Variants in KDM5A observed in about 807,000 individuals in gnomAD.
KDM5A encodes the protein lysine demethylase 5A.
KDM5A carries 42 observed loss-of-function variants against 193.5 expected under a neutral mutation model. That is an observed-to-expected ratio of 0.22 (90% CI 0.17 to 0.28). KDM5A has a LOEUF of 0.28. Among genes scored for constraint, KDM5A ranks in the 10% least tolerant of loss-of-function variants. The probability of loss-of-function intolerance (pLI) is 1.00; values close to 1 mark genes in which losing one functional copy is unlikely to be tolerated. For missense variants in KDM5A, 1,692 were observed against 2,055.1 expected (o/e 0.82, Z 3.42); for synonymous variants, 796 against 718.1 (o/e 1.11, Z -1.73).
rs1036242026 is a variant in KDM5A at position 311,009 on chromosome 12, C to T, written c.3092G>A (p.Arg1031His). The T allele has an allele frequency of 6.8e-6, 11 of 1,614,078 alleles. No homozygotes were observed. The highest frequency in any genetic ancestry group is 1.6e-4 in the Middle Eastern group (1 of 6,084). The change falls in exon 21 of 28, where the codon CGC becomes CAC. Residue 1031 changes from arginine to histidine, a missense_variant. Transcript: ENST00000399788. ...EQLESLSAKGRPIPVRLEALP... is the reference protein window; with the variant it reads ...EQLESLSAKGHPIPVRLEALP... Reference sequence around the variant, plus strand: ...TGCTTCAAGACGCACAGGAATAGGGCGTCCTTTCGCAGACAAGCTCTCAAG... The same window carrying T: ...TGCTTCAAGACGCACAGGAATAGGGTGTCCTTTCGCAGACAAGCTCTCAAG...
intron 14 of KDM5A, among the ~76,000 whole-genome samples, chr12:325,628 C>T (rs78802166): frequency 0.039 from 5,994 of 152,244 alleles, 379 homozygotes; most frequent in African/African-American, 0.13. Context: ...GAGCCAAGAT[C>T]GTGCCACTGC....
At chr12:295,135 C>A (rs1463614077) in intron 26 of KDM5A, among the ~76,000 whole-genome samples, 1 of 151,928 alleles carries the variant, frequency 6.6e-6, no homozygotes, top group Non-Finnish European at 1.5e-5. Flanking sequence ...TGCCCTTCCC[C>A]GCTTCTTTTT....
chr12:364,508 G>A (rs10848845), intron 4 of KDM5A, among the ~76,000 whole-genome samples: 105,837 of 150,078 alleles, frequency 0.71, 37,446 homozygotes, highest in Middle Eastern at 0.79. Context: ...ATAAACGGCC[G>A]GGCGCAGTGG....
At chr12:385,854 T>A (rs1182936704) in intron 2 of KDM5A, 43 bp downstream of exon 2, 1 of 1,488,308 alleles carries the variant, frequency 6.7e-7, no homozygotes, top group African/African-American at 1.4e-5. Context: ...AGCCCTAATA[T>A]AAAGAATGAA....
At chr12:374,925 G>C (rs1224607450) in intron 3 of KDM5A, among the ~76,000 whole-genome samples, 1 of 152,132 alleles carries the variant, frequency 6.6e-6, no homozygotes, top group African/African-American at 2.4e-5. Context: ...CTGGCTTGCA[G>C]AGTTTCTGCC....
At position 283,425 on chromosome 12, in the gene KDM5A, C is replaced by A. The variant is rs1250145893; in HGVS notation, c.*2031G>T. ...ACCTCAAGACATATGCACAGCAACA[C>A]TAACAAACCTCTGAACAAGTCAAAA... On this transcript the variant is annotated 3_prime_UTR_variant, in exon 28 of 28. Coordinates refer to ENST00000399788, the MANE Select transcript of KDM5A (RefSeq NM_001042603.3). 1 of 232,844 alleles carries A rather than the reference C, an allele frequency of 4.3e-6. No individual in the cohort carries two copies. Among genetic ancestry groups the A allele is most frequent in the Admixed American group, 5.6e-5 (1 of 17,768 alleles). The allele number at this position is 232,844 out of a possible 1,614,324, so 14.4% of individuals were successfully genotyped here.
At chr12:378,405 A>C (rs1944534603) in intron 3 of KDM5A, among the ~76,000 whole-genome samples, 2 of 152,054 alleles carry the variant, frequency 1.3e-5, no homozygotes. Flanking sequence ...CTACAGGCGC[A>C]TGCCACCACA....
intron 3 of KDM5A, among the ~76,000 whole-genome samples, chr12:369,161 C>T (rs952155654): frequency 2.0e-5 from 3 of 152,110 alleles, no homozygotes; most frequent in African/African-American, 7.2e-5. Context: ...CTCAAAGAAG[C>T]CCTCTCTGTT....
At chr12:314,210 T>G (rs1354969295) in intron 19 of KDM5A, among the ~76,000 whole-genome samples, 2 of 151,462 alleles carry the variant, frequency 1.3e-5, no homozygotes, top group African/African-American at 4.9e-5. Flanking sequence ...ACCTTTCATT[T>G]ATTTCTTTTT....
At chr12:381,188 T>A (rs779377904) in intron 3 of KDM5A, among the ~76,000 whole-genome samples, 9 of 152,050 alleles carry the variant, frequency 5.9e-5, no homozygotes, top group Non-Finnish European at 1.2e-4. Flanking sequence ...GAGACGAGGT[T>A]TCTCCATGTT....
chr12:339,700 G>A (rs74394008), intron 10 of KDM5A, among the ~76,000 whole-genome samples: 2,813 of 152,132 alleles, frequency 0.018, 36 homozygotes, highest in South Asian at 0.042. Flanking sequence ...GTTATACTAG[G>A]CCAGCTGTGC....
At chr12:312,770 ATGAC>A (rs1943604462) in intron 20 of KDM5A, among the ~76,000 whole-genome samples, 1 of 152,226 alleles carries the variant, frequency 6.6e-6, no homozygotes, top group South Asian at 2.1e-4. Flanking sequence ...TTACATCGGC[ATGAC>A]TGACTGGGAG....
Position 297,270 on chromosome 12 carries a change from T to C in KDM5A, c.4075-70A>G, listed in dbSNP as rs921917931. Reference sequence around the variant, plus strand: ...ACTTATTTTATGACAAGGCCCAAAATGGAGGCTTTCAGGTTAAAGCTTCTA... The same window carrying C: ...ACTTATTTTATGACAAGGCCCAAAACGGAGGCTTTCAGGTTAAAGCTTCTA... On this transcript the variant is annotated intron_variant, in intron 24 of 27. Coordinates refer to ENST00000399788, the MANE Select transcript of KDM5A (RefSeq NM_001042603.3). 4.3e-6 allele frequency: 6 copies of C among 1,401,154 alleles called. No homozygotes were observed. In the African/African-American group the frequency reaches 7.1e-5, roughly 17 times the overall value. 86.8% of individuals were successfully genotyped at this position (1,401,154 alleles called of 1,614,324 possible).
At chr12:333,442 C>G (rs201008740) in intron 12 of KDM5A, 45 bp downstream of exon 12, 1 of 1,599,646 alleles carries the variant, frequency 6.3e-7, no homozygotes, top group South Asian at 1.1e-5. Context: ...AAAGAAAAAA[C>G]AAACAAACAA....
At chr12:357,950 G>A (rs1944247707) in intron 5 of KDM5A, among the ~76,000 whole-genome samples, 1 of 150,246 alleles carries the variant, frequency 6.7e-6, no homozygotes. Flanking sequence ...CAACTGGGAG[G>A]AAATTTATCA....
chr12:282,304 T>A lies in KDM5A; in HGVS notation c.*3152A>T. On this transcript the variant is annotated 3_prime_UTR_variant, in exon 28 of 28. Transcript: ENST00000399788. ...TCTACTGCACCTGGCTGCCATGTTT[T>A]TTATTATTAAAGTACATTATGGGTA... 4.3e-6 allele frequency: 1 copy of A among 233,572 alleles called. No individual in the cohort carries two copies. The highest frequency in any genetic ancestry group is 6.0e-5 in the East Asian group (1 of 16,584). 14.5% of individuals were successfully genotyped at this position (233,572 alleles called of 1,614,324 possible).
intron 24 of KDM5A, among the ~76,000 whole-genome samples, chr12:300,346 G>A (rs1281905938): frequency 2.0e-5 from 3 of 152,150 alleles, no homozygotes; most frequent in African/African-American, 7.2e-5. Flanking sequence ...TCAGACCACA[G>A]TGCAATCATA....
At chr12:314,470 C>T (rs1261323090) in intron 19 of KDM5A, among the ~76,000 whole-genome samples, 1 of 152,184 alleles carries the variant, frequency 6.6e-6, no homozygotes, top group Non-Finnish European at 1.5e-5. Context: ...GCTGGGATTA[C>T]AGGCGTGAGC....
In KDM5A at chr12:282,514, T is replaced by C. The variant is rs1349535426; in HGVS notation, c.*2942A>G. ...TACCTATCAGGAAGCAAAATAAACA[T>C]CTGTGGAAGAAAAATCTCCTGTCTT... is the stretch of plus-strand genomic sequence containing the variant. On this transcript the variant is annotated 3_prime_UTR_variant, in exon 28 of 28. Coordinates refer to ENST00000399788, the MANE Select transcript of KDM5A (RefSeq NM_001042603.3). 4.3e-6 allele frequency: 1 copy of C among 233,062 alleles called. No individual in the cohort carries two copies. Among genetic ancestry groups the C allele is most frequent in the East Asian group, 6.0e-5 (1 of 16,592 alleles). The allele number at this position is 233,062 out of a possible 1,614,324, so 14.4% of individuals were successfully genotyped here. A position where few individuals can be genotyped will look rare whatever the true frequency, so the allele number is the denominator to read the frequency against.
Sources: allele counts gnomAD v4.1 joint callset (sites outside exome capture counted in the v4.1 genomes callset), GRCh38; gene constraint gnomAD v4.1.1; transcripts MANE v1.5; gene names NCBI Gene and HGNC (gene_info 2026-07-23, HGNC 2026-07-21).